Variants in DPF3 observed in about 807,000 individuals in gnomAD.
DPF3 encodes double PHD fingers 3.
In DPF3, 18 loss-of-function variants were observed where a neutral mutation model predicts 56.8. That is an observed-to-expected ratio of 0.32 (90% CI 0.22 to 0.47). The LOEUF (loss-of-function observed/expected upper bound fraction) is 0.47, where lower values mean the gene tolerates loss of function less well. Among genes scored for constraint, DPF3 ranks in the 20% least tolerant of loss-of-function variants. The pLI is 1.00. For synonymous variants in DPF3, 188 were observed against 180.2 expected, an observed-to-expected ratio of 1.04 and a Z score of -0.35; for missense variants, 403 against 488.8, an observed-to-expected ratio of 0.82 and a Z score of 1.65.
At chr14:72,771,175 A>T (rs976735962) in intron 2 of DPF3, among the ~76,000 whole-genome samples, 4 of 152,152 alleles carry the variant, frequency 2.6e-5, no homozygotes, top group East Asian at 1.9e-4. Flanking sequence ...TCAAAAAAAA[A>T]AAAATAACAA....
chr14:72,841,762 A>T (rs1884551717), intron 1 of DPF3, among the ~76,000 whole-genome samples: 1 of 152,150 alleles, frequency 6.6e-6, no homozygotes, highest in Non-Finnish European at 1.5e-5. Context: ...AAATCAACAG[A>T]GTTCGTGTCA....
chr14:72,714,750 T>C (rs574549849), intron 5 of DPF3, among the ~76,000 whole-genome samples: 2 of 152,262 alleles, frequency 1.3e-5, no homozygotes, highest in East Asian at 1.9e-4. Flanking sequence ...AGGGTCCCCA[T>C]TTTACAAACC....
In DPF3 at chr14:72,619,794, T is replaced by C. The variant is rs943966756; in HGVS notation, c.1066+109A>G. 11 of 1,052,272 alleles carry C rather than the reference T, an allele frequency of 1.0e-5. No individual in the cohort carries two copies. The African/African-American group carries it at 1.6e-4, about 15-fold the overall frequency. The allele number at this position is 1,052,272 out of a possible 1,614,324, so 65.2% of individuals were successfully genotyped here. ...TGTGATGATTAAATGAGACAAGACA[T>C]GAACATGTAAACCCATTAGCATAAG... is the stretch of plus-strand genomic sequence containing the variant. On this transcript the variant is annotated intron_variant, in intron 10 of 10. Coordinates refer to ENST00000556509, the MANE Select transcript of DPF3 (RefSeq NM_001280542.3).
In DPF3 at chr14:72,771,784, C is replaced by T. The variant is rs1364419958; in HGVS notation, c.142G>A (p.Val48Met). Residue 48 changes from valine to methionine, a missense_variant, in exon 2 of 11, where the codon GTG becomes ATG. By Grantham distance (21) the Val-to-Met change is conservative (BLOSUM62 1). Coordinates refer to ENST00000556509, the MANE Select transcript of DPF3 (RefSeq NM_001280542.3). ...RLPFLDSQTG[V>M]AQNNCYIWME... ...CAGATGTAGCAGTTGTTCTGGGCCA[C>T]CCCAGTCTGTGAGTCCAGGAAGGGA... 6.2e-7 allele frequency: 1 copy of T among 1,613,766 alleles called. No individual in the cohort carries two copies. Among genetic ancestry groups the T allele is most frequent in the Non-Finnish European group, 8.5e-7 (1 of 1,179,792 alleles).
intron 1 of DPF3, among the ~76,000 whole-genome samples, chr14:72,796,751 C>T (rs2139993675): frequency 6.6e-6 from 1 of 152,160 alleles, no homozygotes; most frequent in East Asian, 1.9e-4. Flanking sequence ...TTTTTTTCAT[C>T]TTCAACTCCC....
chr14:72,648,922 T>C (rs2153568368), intron 8 of DPF3, among the ~76,000 whole-genome samples: 1 of 152,244 alleles, frequency 6.6e-6, no homozygotes, highest in East Asian at 1.9e-4. Flanking sequence ...TTAGCACAAC[T>C]GGAAAGGGCC....
intron 1 of DPF3, among the ~76,000 whole-genome samples, chr14:72,892,996 G>GC (rs1886824288): frequency 7.3e-6 from 1 of 136,862 alleles, no homozygotes; most frequent in African/African-American, 2.7e-5. Context: ...AGGAAGGAAG[G>GC]AAGGAAGGAA....
intron 8 of DPF3, chr14:72,662,922 C>T (rs1284109980): frequency 2.9e-6 from 2 of 686,950 alleles, no homozygotes; most frequent in African/African-American, 4.4e-5. Flanking sequence ...TAAGGGGTGA[C>T]AGAAATGAAA....
chr14:72,672,607 C>T (rs138630405), intron 8 of DPF3, among the ~76,000 whole-genome samples: 1 of 152,302 alleles, frequency 6.6e-6, no homozygotes, highest in East Asian at 1.9e-4. Context: ...AGCCACATAG[C>T]AGACAGAACC....
intron 6 of DPF3, among the ~76,000 whole-genome samples, chr14:72,711,837 C>A (rs1417192895): frequency 6.6e-6 from 1 of 151,952 alleles, no homozygotes; most frequent in East Asian, 1.9e-4. Context: ...TAACACCATC[C>A]CTAGGGACGC....
At chr14:72,743,358 C>G (rs911031107) in intron 3 of DPF3, among the ~76,000 whole-genome samples, 2 of 152,058 alleles carry the variant, frequency 1.3e-5, no homozygotes, top group Non-Finnish European at 2.9e-5. Flanking sequence ...GCAGCTCCAG[C>G]AGGCTCCCCA....
At chr14:72,651,442 G>A (rs1885905232) in intron 8 of DPF3, among the ~76,000 whole-genome samples, 1 of 152,210 alleles carries the variant, frequency 6.6e-6, no homozygotes, top group Non-Finnish European at 1.5e-5. Flanking sequence ...GTTTCCAAAA[G>A]GGACAGCTCC....
chr14:72,725,650 C>T (rs1889375803), intron 4 of DPF3, among the ~76,000 whole-genome samples: 1 of 152,098 alleles, frequency 6.6e-6, no homozygotes, highest in Admixed American at 6.5e-5. Context: ...GGTCAAAGAT[C>T]ACAAATATGT....
chr14:72,703,228 C>T (rs761597428), intron 6 of DPF3, among the ~76,000 whole-genome samples: 8 of 152,044 alleles, frequency 5.3e-5, no homozygotes, highest in Non-Finnish European at 1.2e-4. Flanking sequence ...TTCAGGCCAC[C>T]CTTGATGCTT....
chr14:72,799,209 T>C (rs1237487416), intron 1 of DPF3, among the ~76,000 whole-genome samples: 1 of 152,150 alleles, frequency 6.6e-6, no homozygotes, highest in East Asian at 1.9e-4. Context: ...CTCCCTATGG[T>C]GGACATAGGT....
At chr14:72,630,789 C>G (rs910251294) in intron 8 of DPF3, among the ~76,000 whole-genome samples, 1 of 152,220 alleles carries the variant, frequency 6.6e-6, no homozygotes, top group African/African-American at 2.4e-5. Flanking sequence ...GAGCACTCAC[C>G]GTTCTCCAGA....
chr14:72,767,367 A>G (rs1891329562), intron 2 of DPF3, among the ~76,000 whole-genome samples: 1 of 152,252 alleles, frequency 6.6e-6, no homozygotes, highest in Non-Finnish European at 1.5e-5. Flanking sequence ...AGGATCTTAA[A>G]GCAGCCATCA....
At chr14:72,829,989 G>A (rs1277750682) in intron 1 of DPF3, among the ~76,000 whole-genome samples, 2 of 152,180 alleles carry the variant, frequency 1.3e-5, no homozygotes, top group South Asian at 4.2e-4. Context: ...CAAGTGATCC[G>A]CCCACCTCGG....
At position 72,640,046 on chromosome 14, in the gene DPF3, T is replaced by TA. The variant is rs370070354; in HGVS notation, c.872-10311dup. Among the ~76,000 whole-genome samples the TA allele has an allele frequency of 5.8e-3, 262 of 45,254 alleles. 17 individuals are homozygous for TA. The highest frequency in any genetic ancestry group is 0.011 in the African/African-American group (121 of 11,002). The allele number at this position is 45,254 out of a possible 152,430, so 29.7% of individuals were successfully genotyped here. A position where few individuals can be genotyped will look rare whatever the true frequency, so the allele number is the denominator to read the frequency against. On this transcript the variant is annotated intron_variant, in intron 8 of 10. Coordinates refer to ENST00000556509, the MANE Select transcript of DPF3 (RefSeq NM_001280542.3). ...AAAGGATAAATAGGAGTTTTCTAAGTAAAAAAAAAAAAAAAAAAAAAAAAA... is the reference window on the plus strand; with the variant it reads ...AAAGGATAAATAGGAGTTTTCTAAGTAAAAAAAAAAAAAAAAAAAAAAAAAA...
Sources: allele counts gnomAD v4.1 joint callset (sites outside exome capture counted in the v4.1 genomes callset), GRCh38; gene constraint gnomAD v4.1.1; transcripts MANE v1.5; gene names NCBI Gene and HGNC (gene_info 2026-07-23, HGNC 2026-07-21).